The following SASH1 variants were observed in gnomAD, a reference collection of about 807,000 sequenced individuals.
SASH1 encodes the protein SAM and SH3 domain containing 1, also known as SAM and SH3 domain-containing protein 1.
SASH1 carries 44 observed loss-of-function variants against 125.2 expected under a neutral mutation model. That is an observed-to-expected ratio of 0.35 (90% CI 0.28 to 0.45). SASH1 has a LOEUF of 0.45. SASH1 is among the 20% of genes least tolerant of loss of function. SASH1 has a pLI of 1.00. For synonymous variants in SASH1, 639 were observed against 649.1 expected (o/e 0.98, Z 0.24); for missense variants, 1,426 against 1,614.5 (o/e 0.88, Z 2.00).
chr6:148,386,592 T>C (rs1783378279), intron 1 of SASH1, among the ~76,000 whole-genome samples: 1 of 152,172 alleles, frequency 6.6e-6, no homozygotes, highest in Non-Finnish European at 1.5e-5. Flanking sequence ...TTGGGAGACA[T>C]GGACTTTCTA....
In SASH1 at chr6:148,499,581, AT is replaced by A. The variant is rs369466959; in HGVS notation, c.729+11867del. ...CATTGAGATTTTCCTGCCTATTGTG[AT>A]AGGTGCACACAGAAAGTCCAGCAAG... On this transcript the variant is annotated intron_variant, in intron 8 of 19. Transcript: ENST00000367467. 5.4e-4 allele frequency among the ~76,000 whole-genome samples: 82 copies of A among 152,252 alleles called. No homozygotes were observed. In the South Asian group the frequency reaches 0.017, roughly 31 times the overall value.
the SASH1 span, among the ~76,000 whole-genome samples, chr6:148,246,722 G>T: frequency 6.6e-6 from 1 of 152,212 alleles, no homozygotes; most frequent in African/African-American, 2.4e-5. Flanking sequence ...ACAGCTGAAA[G>T]ATCTTCAGCC....
chr6:148,445,624 T>C (rs970924340), intron 4 of SASH1, among the ~76,000 whole-genome samples: 2 of 152,190 alleles, frequency 1.3e-5, no homozygotes, highest in Non-Finnish European at 2.9e-5. Context: ...GCTGGACTGC[T>C]TTCTTTTTTC....
intron 7 of SASH1, among the ~76,000 whole-genome samples, chr6:148,478,242 C>T (rs1778456911): frequency 6.6e-6 from 1 of 152,178 alleles, no homozygotes; most frequent in Non-Finnish European, 1.5e-5. Context: ...TATTGCAGTG[C>T]TGTTGACGAT....
intron 2 of SASH1, among the ~76,000 whole-genome samples, chr6:148,399,448 A>G (rs1784089458): frequency 1.3e-5 from 2 of 151,916 alleles, no homozygotes; most frequent in Admixed American, 1.3e-4. Context: ...CTGGTCTTGA[A>G]TTCCTGACCT....
At chr6:148,254,393 T>C in the SASH1 span, among the ~76,000 whole-genome samples, 1 of 152,070 alleles carries the variant, frequency 6.6e-6, no homozygotes, top group Admixed American at 6.6e-5. Context: ...CCCAGCTGCT[T>C]GGGAGGCTGA....
chr6:148,233,044 C>T, the SASH1 span, among the ~76,000 whole-genome samples: 1 of 151,782 alleles, frequency 6.6e-6, no homozygotes, highest in Non-Finnish European at 1.5e-5. Context: ...GGAGAAACCC[C>T]GTCTCTACTA....
the SASH1 span, among the ~76,000 whole-genome samples, chr6:148,215,222 G>T: frequency 6.6e-6 from 1 of 152,058 alleles, no homozygotes. Context: ...AATTGCTTTC[G>T]GCCTAAAACC....
At chr6:148,338,960 G>A (rs1315091545), upstream of SASH1, among the ~76,000 whole-genome samples, 9 of 147,450 alleles carry the variant, frequency 6.1e-5, no homozygotes, top group East Asian at 2.0e-4. Context: ...AGCCGAAATC[G>A]GGCCACTGCA....
At chr6:148,197,902 T>A in the SASH1 span, among the ~76,000 whole-genome samples, 1 of 152,164 alleles carries the variant, frequency 6.6e-6, no homozygotes, top group African/African-American at 2.4e-5. Context: ...CAGGCTGGAG[T>A]GCAGTGGTGC....
intron 1 of SASH1, among the ~76,000 whole-genome samples, chr6:148,371,587 A>G (rs1475419813): frequency 6.6e-6 from 1 of 152,004 alleles, no homozygotes; most frequent in Non-Finnish European, 1.5e-5. Context: ...GCTCTTCTGC[A>G]GTTTAGCATG....
chr6:148,381,501 G>C (rs1303166371), intron 1 of SASH1, among the ~76,000 whole-genome samples: 1 of 152,066 alleles, frequency 6.6e-6, no homozygotes, highest in African/African-American at 2.4e-5. Context: ...GTGCTGAGGA[G>C]GAGGGGTGGA....
At chr6:148,385,794 T>G (rs1469408657) in intron 1 of SASH1, among the ~76,000 whole-genome samples, 8 of 152,210 alleles carry the variant, frequency 5.3e-5, no homozygotes, top group African/African-American at 1.9e-4. Flanking sequence ...GCACGGAAGC[T>G]CCGACACCCT....
At chr6:148,381,404 T>A (rs1783125518) in intron 1 of SASH1, among the ~76,000 whole-genome samples, 1 of 152,128 alleles carries the variant, frequency 6.6e-6, no homozygotes. Flanking sequence ...AACTCTGTCC[T>A]ACCACAGATG....
chr6:148,403,592 T>TCACCTTG (rs1266049790), intron 2 of SASH1, among the ~76,000 whole-genome samples: 2 of 152,130 alleles, frequency 1.3e-5, no homozygotes, highest in Non-Finnish European at 2.9e-5. Context: ...GTGCAATGGC[T>TCACCTTG]CAATCTTGGC....
At chr6:148,467,909 C>T (rs761554776) in intron 4 of SASH1, among the ~76,000 whole-genome samples, 4 of 152,178 alleles carry the variant, frequency 2.6e-5, no homozygotes, top group Middle Eastern at 3.4e-3. Flanking sequence ...TGTACTCCAG[C>T]TTGGACTACA....
chr6:148,292,435 T>G (rs532898285), intron 1 of SASH1, among the ~76,000 whole-genome samples: 3 of 152,296 alleles, frequency 2.0e-5, no homozygotes, highest in Admixed American at 1.3e-4. Flanking sequence ...GGATTGTTTT[T>G]GGGATATGGC....
intron 1 of SASH1, among the ~76,000 whole-genome samples, chr6:148,303,668 A>T: frequency 6.6e-6 from 1 of 151,516 alleles, no homozygotes; most frequent in Non-Finnish European, 1.5e-5. Flanking sequence ...GGTGGCGGGC[A>T]CCCATAATCC....
chr6:148,272,175 A>T (rs1270580847), upstream of SASH1: 1 of 243,318 alleles, frequency 4.1e-6, no homozygotes, highest in Non-Finnish European at 9.3e-6. Context: ...TGCCTCTCTT[A>T]TCGTCCTGAA....
Sources: gnomAD v4.1 joint callset for allele counts (sites outside exome capture counted in the v4.1 genomes callset) on GRCh38, gnomAD v4.1.1 for gene constraint, MANE v1.5 for transcripts, NCBI Gene and HGNC (gene_info 2026-07-23, HGNC 2026-07-21) for gene names.